Variants in KIAA0753 observed in about 807,000 individuals in gnomAD.
KIAA0753 encodes KIAA0753, also known as protein moonraker.
In KIAA0753, 114 loss-of-function variants were observed where a neutral mutation model predicts 116.9. The ratio of observed to expected loss-of-function variants is 0.98; its 90% CI spans 0.84 to 1.14. KIAA0753 has a LOEUF of 1.14. Ranked by LOEUF, KIAA0753 falls within the 50% of genes most tolerant of loss-of-function variation. The pLI, the probability that KIAA0753 is intolerant of heterozygous loss-of-function variation, is 0.00. For synonymous variants in KIAA0753, 405 were observed against 413.1 expected (o/e 0.98, Z 0.24); for missense variants, 1,156 against 1,172.4 (o/e 0.99, Z 0.20).
At chr17:6,582,465 A>G (rs1328630530) in intron 18 of KIAA0753, among the ~76,000 whole-genome samples, 5 of 152,236 alleles carry the variant, frequency 3.3e-5, no homozygotes, top group Non-Finnish European at 7.3e-5. Flanking sequence ...TCAGAGTTAC[A>G]CAAAAATGGT....
intron 1 of KIAA0753, chr17:6,638,551 T>G: frequency 6.4e-6 from 1 of 155,380 alleles, no homozygotes. Flanking sequence ...GCCAGCCTCC[T>G]GATCCACTGA....
At chr17:6,592,339 C>T (rs1255715597) in intron 16 of KIAA0753, among the ~76,000 whole-genome samples, 1 of 152,170 alleles carries the variant, frequency 6.6e-6, no homozygotes, top group Non-Finnish European at 1.5e-5. Context: ...GGTAAACCTT[C>T]CATCCCCCAT....
At chr17:6,600,829 G>T in intron 12 of KIAA0753, 1 of 172,962 alleles carries the variant, frequency 5.8e-6, no homozygotes, top group South Asian at 1.2e-4. Context: ...AACTAATTTT[G>T]TTCCCTCTCC....
At chr17:6,636,942 T>A (rs2150932689) in intron 1 of KIAA0753, 1 of 152,282 alleles carries the variant, frequency 6.6e-6, no homozygotes, top group East Asian at 1.9e-4. Context: ...AAACTGAGGG[T>A]ACCCCCACAG....
chr17:6,622,778 G>A, intron 6 of KIAA0753, 104 bp downstream of exon 6: 2 of 961,964 alleles, frequency 2.1e-6, no homozygotes, highest in Admixed American at 1.9e-5. Context: ...TAATTCACTA[G>A]GTAATGGCTT....
Position 6,635,089 on chromosome 17 carries a change from C to A in KIAA0753, c.15G>T (p.Gln5His). Residue 5 changes from glutamine (Q) to histidine (H), a missense_variant, in exon 2 of 19, where the codon CAG becomes CAT. Coordinates refer to ENST00000361413, the MANE Select transcript of KIAA0753 (RefSeq NM_014804.3). MGPG[Q>H]PASTCVHLAP... is the part of the protein sequence containing the mutation. Reference sequence around the variant, plus strand: ...CTAGATGAACACAGGTTGAAGCTGGCTGGCCTGGTCCCATAATGTCAGGTA... The same window carrying A: ...CTAGATGAACACAGGTTGAAGCTGGATGGCCTGGTCCCATAATGTCAGGTA... The A allele has an allele frequency of 1.2e-6, 2 of 1,613,718 alleles. No individual in the cohort carries two copies. The highest frequency in any genetic ancestry group is 2.2e-5 in the South Asian group (2 of 91,066).
intron 7 of KIAA0753, among the ~76,000 whole-genome samples, chr17:6,614,939 C>T (rs1336435620): frequency 6.6e-6 from 1 of 152,204 alleles, no homozygotes; most frequent in Non-Finnish European, 1.5e-5. Flanking sequence ...GCCGGGATTA[C>T]AGGCATGTGC....
At chr17:6,618,140 C>T (rs1971060804) in intron 7 of KIAA0753, among the ~76,000 whole-genome samples, 1 of 151,968 alleles carries the variant, frequency 6.6e-6, no homozygotes, top group Non-Finnish European at 1.5e-5. Flanking sequence ...CCCACAACTA[C>T]AGGGTTTGGG....
intron 3 of KIAA0753, among the ~76,000 whole-genome samples, chr17:6,627,299 T>C (rs1445742555): frequency 6.6e-6 from 1 of 152,248 alleles, no homozygotes; most frequent in Non-Finnish European, 1.5e-5. Context: ...TTTTGTTTTA[T>C]CTTATTCAAT....
intron 18 of KIAA0753, among the ~76,000 whole-genome samples, chr17:6,585,049 C>G (rs906219352): frequency 1.3e-5 from 2 of 152,150 alleles, no homozygotes; most frequent in African/African-American, 2.4e-5. Context: ...CTGCCTCAGC[C>G]TCTCAAAGTG....
At chr17:6,601,456 T>TC (rs1969868602) in intron 12 of KIAA0753, among the ~76,000 whole-genome samples, 1 of 152,194 alleles carries the variant, frequency 6.6e-6, no homozygotes, top group African/African-American at 2.4e-5. Context: ...AGCAACATCC[T>TC]GATCTTACTC....
In KIAA0753 at chr17:6,639,943, G is replaced by A. The variant is rs1218715025; in HGVS notation, c.-69+694C>T. 1 of 152,848 alleles carries A rather than the reference G, an allele frequency of 6.5e-6. No homozygotes were observed. Among genetic ancestry groups the A allele is most frequent in the Non-Finnish European group, 1.5e-5 (1 of 68,690 alleles). The allele number at this position is 152,848 out of a possible 1,614,324, so 9.5% of individuals were successfully genotyped here. A position where few individuals can be genotyped will look rare whatever the true frequency, so the allele number is the denominator to read the frequency against. On this transcript the variant is annotated intron_variant, in intron 1 of 18. Coordinates refer to ENST00000361413, the MANE Select transcript of KIAA0753 (RefSeq NM_014804.3). This position sits in a 1 kb window ranked among gnomAD's most constrained non-coding sequence, Gnocchi z 4.3. ...AGCCCCGGCAAGCCCCACCACCTCG[G>A]GCTCCCCCACAGCCCCGTTCACCCA...
intron 3 of KIAA0753, among the ~76,000 whole-genome samples, chr17:6,627,366 T>C (rs1008303335): frequency 1.3e-5 from 2 of 152,252 alleles, no homozygotes; most frequent in Non-Finnish European, 2.9e-5. Context: ...TAGGTACATA[T>C]GCATATATTA....
chr17:6,610,433 T>C (rs544929592), intron 8 of KIAA0753, among the ~76,000 whole-genome samples: 35 of 151,894 alleles, frequency 2.3e-4, no homozygotes, highest in African/African-American at 8.4e-4. Flanking sequence ...TATATTTTTA[T>C]TTATTCACAA....
intron 3 of KIAA0753, among the ~76,000 whole-genome samples, chr17:6,626,949 G>A (rs1489578079): frequency 6.6e-6 from 1 of 152,124 alleles, no homozygotes; most frequent in Non-Finnish European, 1.5e-5. Context: ...GTAGGTAGGG[G>A]TCCATGCCAC....
At chr17:6,624,886 A>G in intron 3 of KIAA0753, 25 bp from the exon 4 acceptor site, 3 of 1,440,322 alleles carry the variant, frequency 2.1e-6, no homozygotes, top group Non-Finnish European at 2.9e-6. Flanking sequence ...AGTTTTCCCC[A>G]AAAGTGGATT....
In KIAA0753 at chr17:6,622,864, T is replaced by G. The variant is rs140984348; in HGVS notation, c.1104+18A>C. The G allele has an allele frequency of 3.7e-6, 6 of 1,600,094 alleles. No individual in the cohort carries two copies. The Admixed American group carries it at 1.0e-4, about 27-fold the overall frequency. On this transcript the variant is annotated intron_variant, in intron 6 of 18. Coordinates refer to ENST00000361413, the MANE Select transcript of KIAA0753 (RefSeq NM_014804.3). Reference sequence around the variant, plus strand: ...ACTTCCAATGCACCTCTAACAAAAATTGGAATTAATTCCATACCTCAATTT... The same window carrying G: ...ACTTCCAATGCACCTCTAACAAAAAGTGGAATTAATTCCATACCTCAATTT...
rs201429668 is a variant in KIAA0753 at position 6,628,692 on chromosome 17, G to A, written c.143C>T (p.Ala48Val). 606 of 1,613,118 alleles carry A rather than the reference G, an allele frequency of 3.8e-4. No homozygotes were observed. The highest frequency in any genetic ancestry group is 4.8e-4 in the Non-Finnish European group (566 of 1,179,604). The change falls in exon 3 of 19, where the codon GCG (alanine) becomes GTG (valine). Residue 48 changes from alanine (A) to valine (V), a missense_variant. Ala to Val is a moderately conservative substitution (Grantham distance 64, BLOSUM62 0). Coordinates refer to ENST00000361413, the MANE Select transcript of KIAA0753 (RefSeq NM_014804.3). The part of the protein sequence containing the change: ...RNVPTHSSNL[A>V]IRYSCPHAIR... ...GGCATGTGGGCAAGAATATCGGATC[G>A]CCAAGTTGCTTGAATGTGTAGGAAC...
intron 3 of KIAA0753, among the ~76,000 whole-genome samples, chr17:6,627,024 T>G (rs1248693306): frequency 6.6e-6 from 1 of 152,196 alleles, no homozygotes; most frequent in Non-Finnish European, 1.5e-5. Flanking sequence ...TATGCTGGAA[T>G]GGTTTTGAAT....
Sources: allele counts gnomAD v4.1 joint callset (sites outside exome capture counted in the v4.1 genomes callset), GRCh38; gene constraint gnomAD v4.1.1; non-coding constraint Gnocchi (gnomAD v3.1); transcripts MANE v1.5; gene names NCBI Gene and HGNC (gene_info 2026-07-23, HGNC 2026-07-21).